Variants in PSAP observed in about 807,000 individuals in gnomAD.
PSAP encodes precursor of saposins.
Under a neutral mutation model 66.0 loss-of-function variants are expected in PSAP, and 25 were observed. That is an observed-to-expected ratio of 0.38 (90% CI 0.28 to 0.53). PSAP has a LOEUF of 0.53. PSAP is among the 20% of genes least tolerant of loss of function. PSAP has a pLI of 0.83. For synonymous variants in PSAP, 273 were observed against 258.9 expected, an observed-to-expected ratio of 1.05 and a Z score of -0.52; for missense variants, 649 against 668.8, an observed-to-expected ratio of 0.97 and a Z score of 0.33.
chr10:71,818,466 A>T, intron 13 of PSAP, 151 bp downstream of exon 13: 1 of 774,794 alleles, frequency 1.3e-6, no homozygotes, highest in East Asian at 2.4e-5. Flanking sequence ...GGGGACCATG[A>T]GTAAGCCTAA....
In PSAP at chr10:71,833,707, A is replaced by G. The variant is rs185374527; in HGVS notation, c.174+665T>C. On this transcript the variant is annotated intron_variant, in intron 2 of 13. Transcript: ENST00000394936. ...GGCATGGTCAGCAGAGCATCTCCTG[A>G]GAGGGCTTGGGACCGTGAGGAACAC... Among the ~76,000 whole-genome samples the G allele has an allele frequency of 6.7e-4, 102 of 152,330 alleles. No individual in the cohort carries two copies. In the Middle Eastern group the frequency reaches 0.034, roughly 51 times the overall value.
At chr10:71,822,696 T>C (rs1303342058) in intron 7 of PSAP, 1 of 467,910 alleles carries the variant, frequency 2.1e-6, no homozygotes, top group African/African-American at 2.0e-5. Context: ...GAGACAAGTG[T>C]ATAGACTCTG....
chr10:71,834,472 C>T lies in PSAP; in HGVS notation c.74G>A (p.Cys25Tyr), dbSNP rs781651579. The change falls in exon 2 of 14, where the codon TGC becomes TAC. Residue 25 changes from cysteine to tyrosine, a missense_variant. By Grantham distance (194) the Cys-to-Tyr change is radical (BLOSUM62 -2). Coordinates refer to ENST00000394936, the MANE Select transcript of PSAP (RefSeq NM_002778.4). ...GCACCACACTGCCGAGCCCCTGGTG[C>T]ATTCTTTCAGTCCAAGGACCGGGCC... ...LAGPVLGLKE[C>Y]TRGSAVWCQN... 6.2e-7 allele frequency: 1 copy of T among 1,614,060 alleles called. No individual in the cohort carries two copies. Among genetic ancestry groups the T allele is most frequent in the Non-Finnish European group, 8.5e-7 (1 of 1,179,972 alleles).
chr10:71,837,530 G>A (rs1371359473), intron 1 of PSAP, among the ~76,000 whole-genome samples: 1 of 152,226 alleles, frequency 6.6e-6, no homozygotes, highest in Non-Finnish European at 1.5e-5. Flanking sequence ...AGGCAAGGGT[G>A]GTTTTTCTCC....
chr10:71,831,333 A>G, intron 3 of PSAP, 82 bp from the exon 4 acceptor site: 4 of 1,560,568 alleles, frequency 2.6e-6, no homozygotes, highest in Non-Finnish European at 3.5e-6. Flanking sequence ...GGCCCTCAAT[A>G]GCTCCCAGAA....
At chr10:71,837,700 C>G (rs746197531) in intron 1 of PSAP, among the ~76,000 whole-genome samples, 3 of 152,210 alleles carry the variant, frequency 2.0e-5, no homozygotes, top group Non-Finnish European at 2.9e-5. Flanking sequence ...TGTGATCCCA[C>G]GCATCGGTGG....
At chr10:71,839,278 C>T (rs1029142384) in intron 1 of PSAP, among the ~76,000 whole-genome samples, 5 of 152,060 alleles carry the variant, frequency 3.3e-5, no homozygotes, top group East Asian at 1.9e-4. Flanking sequence ...TTGCTCTTGT[C>T]GCCCAGGCTG....
chr10:71,845,282 G>A (rs916029949), intron 1 of PSAP, among the ~76,000 whole-genome samples: 3 of 152,216 alleles, frequency 2.0e-5, no homozygotes, highest in Non-Finnish European at 4.4e-5. Flanking sequence ...CACATGTATG[G>A]AAGGAAAAAG....
intron 1 of PSAP, among the ~76,000 whole-genome samples, chr10:71,846,549 A>G (rs1456473519): frequency 1.3e-5 from 2 of 151,604 alleles, no homozygotes; most frequent in Non-Finnish European, 2.9e-5. Flanking sequence ...ACATGGCAAA[A>G]CCCTTTCTCT....
Position 71,832,060 on chromosome 10 carries a change from T to G in PSAP, c.175-140A>C, listed in dbSNP as rs78642494. 0.012 allele frequency: 10,132 copies of G among 858,214 alleles called. 675 individuals are homozygous for G. The African/African-American group carries it at 0.15, about 13-fold the overall frequency. 53.2% of individuals were successfully genotyped at this position (858,214 alleles called of 1,614,324 possible). A position where few individuals can be genotyped will look rare whatever the true frequency, so the allele number is the denominator to read the frequency against. ...CCGCGCTCCTGTCACATCCTGGTTC[T>G]CCACCCTGCATGAGCAGCGCTGGGG... On this transcript the variant is annotated intron_variant, in intron 2 of 13. Transcript: ENST00000394936.
At chr10:71,826,883 C>T (rs964415404) in intron 6 of PSAP, among the ~76,000 whole-genome samples, 2 of 152,172 alleles carry the variant, frequency 1.3e-5, no homozygotes, top group Admixed American at 1.3e-4. Flanking sequence ...TTGTCAGGTA[C>T]TAAAAATGGC....
intron 1 of PSAP, among the ~76,000 whole-genome samples, chr10:71,840,672 TCCCATCA>T (rs1021894836): frequency 6.6e-6 from 1 of 152,196 alleles, no homozygotes; most frequent in African/African-American, 2.4e-5. Context: ...TAGGCTGACA[TCCCATCA>T]CCTCTGGCCT....
intron 1 of PSAP, 103 bp downstream of exon 1, chr10:71,851,079 C>T: frequency 7.3e-6 from 10 of 1,365,258 alleles, no homozygotes; most frequent in Non-Finnish European, 8.2e-6. Flanking sequence ...CCCTTGCCAA[C>T]TAGGGCAGGG....
intron 7 of PSAP, among the ~76,000 whole-genome samples, chr10:71,823,192 C>T (rs1842338693): frequency 6.6e-6 from 1 of 152,122 alleles, no homozygotes; most frequent in South Asian, 2.1e-4. Flanking sequence ...AGATGGATGC[C>T]AACGCTCAGA....
At position 71,833,034 on chromosome 10, in the gene PSAP, A is replaced by C. The variant is rs1040532735; in HGVS notation, c.175-1114T>G. Among the ~76,000 whole-genome samples the C allele has an allele frequency of 4.2e-5, 5 of 120,306 alleles. 1 individual carries two copies. Among genetic ancestry groups the C allele is most frequent in the African/African-American group, 1.4e-4 (5 of 36,280 alleles). 78.9% of individuals were successfully genotyped at this position (120,306 alleles called of 152,430 possible). The stretch of plus-strand genomic sequence containing the variant: ...TCCATCTCAAAAAAAAAAAAAAACA[A>C]AAAACAAAAACAGAAGGCCGGGCCA... On this transcript the variant is annotated intron_variant, in intron 2 of 13. Transcript: ENST00000394936.
intron 13 of PSAP, among the ~76,000 whole-genome samples, chr10:71,818,391 A>T (rs542867536): frequency 1.6e-3 from 247 of 152,352 alleles, no homozygotes; most frequent in African/African-American, 5.2e-3. Context: ...AATACTAAAA[A>T]AAATAAATAA....
chr10:71,844,889 TC>T (rs1211632898), intron 1 of PSAP: 1 of 152,218 alleles, frequency 6.6e-6, no homozygotes. Flanking sequence ...AGCTTCCTTT[TC>T]TACCGTTGCA....
At chr10:71,846,798 T>C (rs926782705) in intron 1 of PSAP, among the ~76,000 whole-genome samples, 1 of 150,414 alleles carries the variant, frequency 6.6e-6, no homozygotes, top group East Asian at 2.0e-4. Context: ...CTCTCTTTCA[T>C]TGATCTGAAG....
intron 1 of PSAP, among the ~76,000 whole-genome samples, chr10:71,850,619 T>A (rs1842909033): frequency 6.6e-6 from 1 of 152,250 alleles, no homozygotes; most frequent in Admixed American, 6.5e-5. Context: ...TGCCTCAGAA[T>A]AAATCTCAAA....
Sources: allele counts gnomAD v4.1 joint callset (sites outside exome capture counted in the v4.1 genomes callset), GRCh38; gene constraint gnomAD v4.1.1; transcripts MANE v1.5; gene names NCBI Gene and HGNC (gene_info 2026-07-23, HGNC 2026-07-21).